The following CYTH3 variants were observed in gnomAD, a reference collection of about 807,000 sequenced individuals.
CYTH3 encodes cytohesin 3, also known as cytohesin-3.
CYTH3 carries 23 observed loss-of-function variants against 55.1 expected under a neutral mutation model. That is an observed-to-expected ratio of 0.42 (90% CI 0.30 to 0.59). The LOEUF (loss-of-function observed/expected upper bound fraction) is 0.59, where lower values mean the gene tolerates loss of function less well. CYTH3 is among the 20% of genes least tolerant of loss of function. The pLI, the probability that CYTH3 is intolerant of heterozygous loss-of-function variation, is 0.20. For synonymous variants in CYTH3, 249 were observed against 194.9 expected (o/e 1.28, Z -2.31); for missense variants, 413 against 524.8 (o/e 0.79, Z 2.08).
At chr7:6,254,656 G>A (rs1382859256) in intron 1 of CYTH3, among the ~76,000 whole-genome samples, 1 of 152,140 alleles carries the variant, frequency 6.6e-6, no homozygotes, top group Non-Finnish European at 1.5e-5. Context: ...CACCATGTTG[G>A]CCAGGCTGGT....
At chr7:6,182,214 AT>A (rs1201974991) in intron 4 of CYTH3, among the ~76,000 whole-genome samples, 2 of 151,722 alleles carry the variant, frequency 1.3e-5, no homozygotes, top group Admixed American at 6.6e-5. Context: ...TACCCAGCTA[AT>A]TTTTTTCTAT....
chr7:6,234,606 T>G (rs772856435), intron 1 of CYTH3, among the ~76,000 whole-genome samples: 6 of 152,142 alleles, frequency 3.9e-5, no homozygotes, highest in Non-Finnish European at 8.8e-5. Flanking sequence ...ATCCCACACC[T>G]GTGACTGGAA....
Position 6,251,136 on chromosome 7 carries a change from G to T in CYTH3, c.34+21338C>A, listed in dbSNP as rs182998702. Among the ~76,000 whole-genome samples the T allele has an allele frequency of 6.5e-3, 989 of 152,284 alleles. 11 individuals are homozygous for T. Among genetic ancestry groups the T allele is most frequent in the African/African-American group, 0.022 (922 of 41,568 alleles). The stretch of plus-strand genomic sequence containing the variant: ...CTAAAAATAGAAAAATTAGCTGGAC[G>T]TGGTGGCGGGCGCCTGTAGTCTCAG... On this transcript the variant is annotated intron_variant, in intron 1 of 12. Transcript: ENST00000350796.
At position 6,171,070 on chromosome 7, in the gene CYTH3, G is replaced by A. The variant is rs2128537582; in HGVS notation, c.563-92C>T. On this transcript the variant is annotated intron_variant, in intron 7 of 12. Coordinates refer to ENST00000350796, the MANE Select transcript of CYTH3 (RefSeq NM_004227.4). The surrounding 1 kb of genome is among the most constrained non-coding windows in gnomAD (Gnocchi z 6.7). ...GGGGCCCGCCTGCAAGAGGTGCCCG[G>A]CCCACAGGTCGTCCTCGCTCAGGGA... 17 of 1,590,036 alleles carry A rather than the reference G, an allele frequency of 1.1e-5. No individual in the cohort carries two copies. Among genetic ancestry groups the A allele is most frequent in the Non-Finnish European group, 1.4e-5 (16 of 1,162,958 alleles).
At chr7:6,207,923 C>G (rs1204358261) in intron 1 of CYTH3, among the ~76,000 whole-genome samples, 2 of 150,418 alleles carry the variant, frequency 1.3e-5, no homozygotes, top group African/African-American at 4.9e-5. Context: ...GCACTGCAGC[C>G]TGGGTGACAG....
At chr7:6,218,643 A>G (rs927361982) in intron 1 of CYTH3, among the ~76,000 whole-genome samples, 5 of 152,204 alleles carry the variant, frequency 3.3e-5, no homozygotes, top group African/African-American at 1.2e-4. Context: ...AGAGGCTGGA[A>G]TAATTTTGAA....
intron 4 of CYTH3, among the ~76,000 whole-genome samples, chr7:6,179,495 C>T (rs1282784545): frequency 6.6e-6 from 1 of 151,890 alleles, no homozygotes; most frequent in African/African-American, 2.4e-5. Flanking sequence ...ATGTTATTCT[C>T]CAGAAAAATC....
At chr7:6,177,976 G>C (rs1783391538) in intron 4 of CYTH3, 35 bp from the exon 5 acceptor site, 1 of 1,507,258 alleles carries the variant, frequency 6.6e-7, no homozygotes, top group African/African-American at 1.4e-5. Context: ...CTGGTTAGGA[G>C]TGTCACTCAA....
chr7:6,193,079 G>C (rs542673352), intron 1 of CYTH3, among the ~76,000 whole-genome samples: 93 of 152,178 alleles, frequency 6.1e-4, no homozygotes, highest in African/African-American at 2.2e-3. Context: ...GGCTGAGGCA[G>C]GAGAATCGCT....
At chr7:6,222,574 G>A (rs188434080) in intron 1 of CYTH3, among the ~76,000 whole-genome samples, 11 of 151,986 alleles carry the variant, frequency 7.2e-5, no homozygotes, top group African/African-American at 1.9e-4. Flanking sequence ...GTGAAACCCC[G>A]TCTCTACTAA....
At chr7:6,270,655 T>C (rs1780626583) in intron 1 of CYTH3, among the ~76,000 whole-genome samples, 1 of 152,244 alleles carries the variant, frequency 6.6e-6, no homozygotes, top group Non-Finnish European at 1.5e-5. Context: ...GCCCCTGCTG[T>C]TGGCGTTGCT....
chr7:6,164,721 C>T lies in CYTH3; in HGVS notation c.*223G>A, dbSNP rs1278147575. 16 of 621,922 alleles carry T rather than the reference C, an allele frequency of 2.6e-5. No individual in the cohort carries two copies. The highest frequency in any genetic ancestry group is 1.6e-4 in the East Asian group (6 of 36,924). The allele number at this position is 621,922 out of a possible 1,614,324, so 38.5% of individuals were successfully genotyped here. A position where few individuals can be genotyped will look rare whatever the true frequency, so the allele number is the denominator to read the frequency against. ...AGGCCTCGAGGATCAGTCTGGGCCA[C>T]GGTACGCTCTGGAGCAGCAGCTTGC... On this transcript the variant is annotated 3_prime_UTR_variant, in exon 13 of 13. Transcript: ENST00000350796.
chr7:6,223,004 G>A (rs1053210016), intron 1 of CYTH3, among the ~76,000 whole-genome samples: 2 of 152,240 alleles, frequency 1.3e-5, no homozygotes, highest in Non-Finnish European at 2.9e-5. Context: ...TTTACTGACA[G>A]GTAATTTTTT....
chr7:6,175,256 G>A (rs189531146), intron 5 of CYTH3, among the ~76,000 whole-genome samples: 1 of 152,196 alleles, frequency 6.6e-6, no homozygotes, highest in Non-Finnish European at 1.5e-5. Flanking sequence ...AGGAACCAAG[G>A]AATCTGTAAC....
intron 1 of CYTH3, among the ~76,000 whole-genome samples, chr7:6,209,846 G>C (rs924230170): frequency 9.2e-5 from 14 of 152,146 alleles, no homozygotes; most frequent in Non-Finnish European, 1.5e-5. Flanking sequence ...CTAAGTGAAA[G>C]AAGCCAATAT....
chr7:6,233,945 G>C (rs1286936056), intron 1 of CYTH3, among the ~76,000 whole-genome samples: 1 of 152,112 alleles, frequency 6.6e-6, no homozygotes, highest in Non-Finnish European at 1.5e-5. Context: ...CTTGGTGGAA[G>C]GGGCAAGGCA....
intron 3 of CYTH3, 28 bp downstream of exon 3, chr7:6,187,628 AG>A (rs1368210126): frequency 4.4e-6 from 7 of 1,586,522 alleles, no homozygotes; most frequent in Non-Finnish European, 6.1e-6. Flanking sequence ...AAGAGTAAAT[AG>A]CTTAAAGGTG....
At chr7:6,179,081 A>T (rs942900694) in intron 4 of CYTH3, among the ~76,000 whole-genome samples, 1 of 152,000 alleles carries the variant, frequency 6.6e-6, no homozygotes, top group Non-Finnish European at 1.5e-5. Flanking sequence ...GAAATTTCCT[A>T]TTTTTTTTAA....
chr7:6,167,631 C>G lies in CYTH3; in HGVS notation c.824-1821G>C, dbSNP rs1438197498. Among the ~76,000 whole-genome samples the G allele has an allele frequency of 6.6e-6, 1 of 152,264 alleles. No individual in the cohort carries two copies. Among genetic ancestry groups the G allele is most frequent in the South Asian group, 2.1e-4 (1 of 4,832 alleles). On this transcript the variant is annotated intron_variant, in intron 9 of 12. Coordinates refer to ENST00000350796, the MANE Select transcript of CYTH3 (RefSeq NM_004227.4). This position sits in a 1 kb window ranked among gnomAD's most constrained non-coding sequence, Gnocchi z 5.5. ...GTCCCACTGCACTCAGCTTTAAACC[C>G]AACTCCTTGGGCGGCAGCAGGGGCT...
Sources: gnomAD v4.1 joint callset for allele counts (sites outside exome capture counted in the v4.1 genomes callset) on GRCh38, gnomAD v4.1.1 for gene constraint, Gnocchi (gnomAD v3.1) non-coding constraint, MANE v1.5 for transcripts, NCBI Gene and HGNC (gene_info 2026-07-23, HGNC 2026-07-21) for gene names.